MCF2: variants seen among roughly 807,000 people sequenced by gnomAD.
MCF2 encodes the protein MCF.2 cell line derived transforming sequence.
MCF2 carries 44 observed loss-of-function variants against 82.5 expected under a neutral mutation model. The ratio of observed to expected loss-of-function variants is 0.53; its 90% confidence interval spans 0.42 to 0.69. MCF2 has a LOEUF of 0.69. Among genes scored for constraint, MCF2 ranks in the 30% least tolerant of loss-of-function variants. The pLI, the probability that MCF2 is intolerant of heterozygous loss-of-function variation, is 0.00. For synonymous variants in MCF2, 217 were observed against 224.9 expected, an observed-to-expected ratio of 0.96 and a Z score of 0.32; for missense variants, 623 against 663.1, an observed-to-expected ratio of 0.94 and a Z score of 0.66.
intron 19 of MCF2, among the ~76,000 whole-genome samples, chrX:139,593,109 A>C (rs1473615072): frequency 8.9e-6 from 1 of 111,973 alleles, no homozygotes; most frequent in African/African-American, 3.2e-5. Context: ...CAAATGTTAT[A>C]TTGGTTTTAG....
chrX:139,657,207 A>C (rs1205526070), intron 1 of MCF2, among the ~76,000 whole-genome samples: 1 of 112,551 alleles, frequency 8.9e-6, no homozygotes, highest in African/African-American at 3.2e-5. Flanking sequence ...AGCATTTCCA[A>C]TTAATTCATT....
At chrX:139,651,856 A>G in intron 1 of MCF2, 68 bp from the exon 2 acceptor site, 1 of 638,506 alleles carries the variant, frequency 1.6e-6, no homozygotes, top group Non-Finnish European at 2.4e-6. Context: ...TTTTAGACAC[A>G]TGATTTCTCA....
At chrX:139,593,402 C>G (rs981632936) in intron 19 of MCF2, among the ~76,000 whole-genome samples, 3 of 110,919 alleles carry the variant, frequency 2.7e-5, no homozygotes, top group Non-Finnish European at 5.7e-5. Flanking sequence ...CAATAGCTTA[C>G]CAACCAAAAA....
In MCF2 at chrX:139,616,299, A is replaced by C. The variant is rs759220167; in HGVS notation, c.1174T>G (p.Leu392Val). ...GCCTCTACCTTAAGCTCAGGAGATA[A>C]TATTACATCAAATTCATACTGCAGT... Residue 392 changes from leucine (L) to valine (V), a missense_variant, in exon 9 of 25, where the codon TTA becomes GTA. Coordinates refer to ENST00000370576, the Ensembl canonical transcript of MCF2. The C allele has an allele frequency of 2.7e-6, 3 of 1,118,385 alleles. No individual in the cohort carries two copies. In the East Asian group the frequency reaches 9.2e-5, roughly 34 times the overall value. 92.2% of individuals were successfully genotyped at this position (1,118,385 alleles called of 1,213,427 possible).
At chrX:139,605,482 T>C (rs1161234406) in intron 13 of MCF2, among the ~76,000 whole-genome samples, 1 of 111,484 alleles carries the variant, frequency 9.0e-6, no homozygotes, top group Non-Finnish European at 1.9e-5. Context: ...TAAGAGAACA[T>C]TTTCTCTTCT....
intron 19 of MCF2, among the ~76,000 whole-genome samples, chrX:139,591,493 T>C (rs766077728): frequency 9.0e-6 from 1 of 111,299 alleles, no homozygotes; most frequent in South Asian, 3.8e-4. Flanking sequence ...TTTTTAAAAA[T>C]CGATGATAAT....
intron 1 of MCF2, among the ~76,000 whole-genome samples, chrX:139,698,707 T>C (rs1186214193): frequency 8.9e-6 from 1 of 111,808 alleles, no homozygotes; most frequent in Non-Finnish European, 1.9e-5. Flanking sequence ...CAAAAATATA[T>C]ATTCTTAGGC....
At chrX:139,639,300 T>G (rs1214016775) in intron 1 of MCF2, among the ~76,000 whole-genome samples, 2 of 112,145 alleles carry the variant, frequency 1.8e-5, no homozygotes, top group African/African-American at 6.5e-5. Context: ...GTGTTTTTGC[T>G]TTTTTAAAAA....
chrX:139,616,565 C>T, intron 8 of MCF2, 92 bp from the exon 12 acceptor site: 1 of 466,652 alleles, frequency 2.1e-6, no homozygotes, highest in South Asian at 8.5e-5. Flanking sequence ...CAGCCTCTGG[C>T]TTCCGTGAGT....
intron 20 of MCF2, 31 bp from the exon 25 acceptor site, chrX:139,588,469 T>C: frequency 3.9e-5 from 33 of 848,951 alleles, no homozygotes; most frequent in Non-Finnish European, 4.3e-5. Flanking sequence ...GGGAGGGAGG[T>C]GGTACACATT....
At chrX:139,583,732 C>T (rs1473889697) in intron 24 of MCF2, among the ~76,000 whole-genome samples, 1 of 111,928 alleles carries the variant, frequency 8.9e-6, no homozygotes, top group Non-Finnish European at 1.9e-5. Context: ...AAACCTTACA[C>T]ATGTACCTCC....
intron 1 of MCF2, among the ~76,000 whole-genome samples, chrX:139,659,097 G>A (rs1296508308): frequency 9.0e-6 from 1 of 110,795 alleles, no homozygotes; most frequent in Non-Finnish European, 1.9e-5. Flanking sequence ...AGACTATCCT[G>A]GCCAACATGG....
In MCF2 at chrX:139,626,158, T is replaced by C. The variant is rs747880596; in HGVS notation, c.687+35A>G. 18 of 917,734 alleles carry C rather than the reference T, an allele frequency of 2.0e-5. No individual in the cohort carries two copies. The South Asian group carries it at 3.5e-4, about 18-fold the overall frequency. The allele number at this position is 917,734 out of a possible 1,213,427, so 75.6% of individuals were successfully genotyped here. A position where few individuals can be genotyped will look rare whatever the true frequency, so the allele number is the denominator to read the frequency against. On this transcript the variant is annotated intron_variant, in intron 6 of 24. Transcript: ENST00000370576. ...TAAGGAGTAAAAACCTCTGGTGTAATGAAAAAAGGTATACAAAGAAATGTT... is the reference window on the plus strand; with the variant it reads ...TAAGGAGTAAAAACCTCTGGTGTAACGAAAAAAGGTATACAAAGAAATGTT...
At chrX:139,666,610 G>A (rs1288799867) in intron 1 of MCF2, among the ~76,000 whole-genome samples, 1 of 110,957 alleles carries the variant, frequency 9.0e-6, no homozygotes, top group Non-Finnish European at 1.9e-5. Flanking sequence ...CAGGTGACTA[G>A]ACACTTTTCT....
intron 1 of MCF2, among the ~76,000 whole-genome samples, chrX:139,670,886 A>T (rs1289521563): frequency 8.9e-6 from 1 of 111,775 alleles, no homozygotes; most frequent in African/African-American, 3.3e-5. Context: ...AGGAATTGTG[A>T]CACTGTCTTC....
In MCF2 at chrX:139,597,445, T is replaced by C. The variant is rs1220378896; in HGVS notation, c.2055+15A>G. ...CGACCCTCTAAAATTCCAACAATTA[T>C]TAAAATGTGCTTACAATATAGCCAT... On this transcript the variant is annotated intron_variant, in intron 18 of 24. Transcript: ENST00000370576. 1 of 1,178,403 alleles carries C rather than the reference T, an allele frequency of 8.5e-7. No homozygotes were observed.
At chrX:139,638,591 A>G (rs925473371) in intron 1 of MCF2, among the ~76,000 whole-genome samples, 1 of 111,686 alleles carries the variant, frequency 9.0e-6, no homozygotes, top group East Asian at 2.8e-4. Context: ...TGGGCCCAGC[A>G]TTGCCAACTC....
At chrX:139,606,444 ACC>A (rs1931021354) in intron 12 of MCF2, among the ~76,000 whole-genome samples, 1 of 109,268 alleles carries the variant, frequency 9.2e-6, no homozygotes, top group Non-Finnish European at 1.9e-5. Flanking sequence ...TGCAACCTCC[ACC>A]TCCCGGGTTC....
chrX:139,651,605 G>A (rs1408166841), intron 2 of MCF2, 115 bp downstream of exon 2: 1 of 395,997 alleles, frequency 2.5e-6, no homozygotes, highest in African/African-American at 2.5e-5. Flanking sequence ...CTTCTCAAAT[G>A]AATATATATA....
Sources: allele counts gnomAD v4.1 joint callset (sites outside exome capture counted in the v4.1 genomes callset), GRCh38; gene constraint gnomAD v4.1.1; transcripts MANE v1.5; gene names NCBI Gene and HGNC (gene_info 2026-07-23, HGNC 2026-07-21).